Variants in ZNF385B observed in about 807,000 individuals in gnomAD.
ZNF385B encodes the protein zinc finger protein 385B, also known as zinc finger protein 533.
In ZNF385B, 23 loss-of-function variants were observed where a neutral mutation model predicts 39.2. That is an observed-to-expected ratio of 0.59 (90% CI 0.42 to 0.83). The LOEUF (loss-of-function observed/expected upper bound fraction) is 0.83, where lower values mean the gene tolerates loss of function less well. Among genes scored for constraint, ZNF385B ranks in the 40% least tolerant of loss-of-function variants. The pLI is 0.00. For synonymous variants in ZNF385B, 205 were observed against 222.6 expected, an observed-to-expected ratio of 0.92 and a Z score of 0.70; for missense variants, 552 against 598.9, an observed-to-expected ratio of 0.92 and a Z score of 0.82.
chr2:179,696,008 C>G (rs938926224), intron 3 of ZNF385B, among the ~76,000 whole-genome samples: 1 of 152,180 alleles, frequency 6.6e-6, no homozygotes, highest in African/African-American at 2.4e-5. Context: ...AGAAGTCAGT[C>G]ACGAAAGACC....
chr2:179,718,248 G>A (rs904480879), intron 3 of ZNF385B, among the ~76,000 whole-genome samples: 18 of 151,130 alleles, frequency 1.2e-4, no homozygotes, highest in African/African-American at 3.9e-4. Flanking sequence ...TTATCCACAC[G>A]CATGTTGACA....
intron 1 of ZNF385B, among the ~76,000 whole-genome samples, chr2:179,823,043 T>G (rs1442013221): frequency 6.6e-6 from 1 of 152,100 alleles, no homozygotes; most frequent in Admixed American, 6.6e-5. Flanking sequence ...AAACAGTAAG[T>G]GTTCAAGAGC....
At chr2:179,744,367 C>G (rs534571736) in intron 3 of ZNF385B, among the ~76,000 whole-genome samples, 55 of 149,686 alleles carry the variant, frequency 3.7e-4, no homozygotes, top group Non-Finnish European at 6.1e-4. Flanking sequence ...TCGGCTTTGA[C>G]AGTACACCGA....
intron 1 of ZNF385B, among the ~76,000 whole-genome samples, chr2:179,855,083 C>T (rs1434107390): frequency 6.6e-6 from 1 of 151,734 alleles, no homozygotes; most frequent in African/African-American, 2.4e-5. Flanking sequence ...TATTTATTTT[C>T]AGATGTGTAC....
intron 6 of ZNF385B, among the ~76,000 whole-genome samples, chr2:179,480,349 C>G (rs2053858933): frequency 6.6e-6 from 1 of 152,170 alleles, no homozygotes; most frequent in Non-Finnish European, 1.5e-5. Flanking sequence ...TCACAGTCAC[C>G]ATTCCTCTTC....
chr2:179,725,416 A>T (rs1700939798), intron 3 of ZNF385B, among the ~76,000 whole-genome samples: 1 of 152,066 alleles, frequency 6.6e-6, no homozygotes, highest in South Asian at 2.1e-4. Context: ...CATATATATA[A>T]AAACACATAC....
At chr2:179,655,913 A>G (rs952459891) in intron 3 of ZNF385B, among the ~76,000 whole-genome samples, 1 of 152,202 alleles carries the variant, frequency 6.6e-6, no homozygotes, top group East Asian at 1.9e-4. Flanking sequence ...TGTAGTATTT[A>G]AAGAAAAGGT....
At chr2:179,521,171 TTTTTGTTTTTG>T (rs1334018785) in intron 4 of ZNF385B, among the ~76,000 whole-genome samples, 11 of 5,814 alleles carry the variant, frequency 1.9e-3, no homozygotes, top group South Asian at 0.011. Context: ...AATACAGTTT[TTTTTGTTTTTG>T]TTTTTGTTTT....
chr2:179,694,985 A>G (rs1698625885), intron 3 of ZNF385B, among the ~76,000 whole-genome samples: 1 of 150,068 alleles, frequency 6.7e-6, no homozygotes, highest in East Asian at 1.9e-4. Flanking sequence ...GAGGAGGAGG[A>G]GGAGAAGAAA....
chr2:179,624,241 C>G (rs977887438), intron 3 of ZNF385B, among the ~76,000 whole-genome samples: 7 of 152,294 alleles, frequency 4.6e-5, no homozygotes, highest in Admixed American at 3.3e-4. Flanking sequence ...ACCCCATCAG[C>G]TGTGCTTAAT....
At chr2:179,848,372 T>C (rs1446288129) in intron 1 of ZNF385B, among the ~76,000 whole-genome samples, 2 of 152,212 alleles carry the variant, frequency 1.3e-5, no homozygotes, top group East Asian at 3.9e-4. Context: ...TTGAGGTGTC[T>C]AGCCTAGCGC....
intron 3 of ZNF385B, among the ~76,000 whole-genome samples, chr2:179,672,484 G>A (rs537290380): frequency 2.0e-5 from 3 of 152,272 alleles, no homozygotes; most frequent in South Asian, 4.2e-4. Context: ...TTGTATGGAA[G>A]AAAGACATGA....
chr2:179,730,119 T>C (rs1160127219), intron 3 of ZNF385B, among the ~76,000 whole-genome samples: 1 of 152,224 alleles, frequency 6.6e-6, no homozygotes, highest in African/African-American at 2.4e-5. Flanking sequence ...GCTCAATCTA[T>C]TTAACACTGC....
chr2:179,609,675 C>T (rs924744875), intron 3 of ZNF385B, among the ~76,000 whole-genome samples: 2 of 152,210 alleles, frequency 1.3e-5, no homozygotes, highest in Non-Finnish European at 2.9e-5. Flanking sequence ...AGTAGCTGTA[C>T]TAATGTGCAT....
chr2:179,593,844 G>T (rs1476740712), intron 3 of ZNF385B, among the ~76,000 whole-genome samples: 1 of 152,158 alleles, frequency 6.6e-6, no homozygotes, highest in Non-Finnish European at 1.5e-5. Flanking sequence ...GGCCAGGAAG[G>T]CCCCAAGAAA....
chr2:179,459,842 G>A (rs1238148685), intron 6 of ZNF385B, among the ~76,000 whole-genome samples: 5 of 151,316 alleles, frequency 3.3e-5, no homozygotes, highest in Admixed American at 1.3e-4. Context: ...GGTGGCTCAC[G>A]CCTGTAATCC....
chr2:179,800,611 A>G (rs1705967832), intron 1 of ZNF385B, among the ~76,000 whole-genome samples: 1 of 152,068 alleles, frequency 6.6e-6, no homozygotes, highest in Non-Finnish European at 1.5e-5. Context: ...TAAATCTTGC[A>G]TGCTGCCAAT....
At chr2:179,465,781 T>C (rs1033704142) in intron 6 of ZNF385B, among the ~76,000 whole-genome samples, 4 of 152,308 alleles carry the variant, frequency 2.6e-5, no homozygotes, top group African/African-American at 9.6e-5. Context: ...CCCTACTCCA[T>C]ACCTTTATAA....
At chr2:179,536,570 T>C (rs2059580950) in intron 4 of ZNF385B, 1 of 152,188 alleles carries the variant, frequency 6.6e-6, no homozygotes, top group Non-Finnish European at 1.5e-5. Context: ...ACCATCAAAG[T>C]CTCAATCTGA....
Sources: allele counts gnomAD v4.1 joint callset (sites outside exome capture counted in the v4.1 genomes callset), GRCh38; gene constraint gnomAD v4.1.1; transcripts MANE v1.5; gene names NCBI Gene and HGNC (gene_info 2026-07-23, HGNC 2026-07-21).